Variants in HBS1L observed in about 807,000 individuals in gnomAD.
The protein encoded by HBS1L is HBS1-like protein.
A neutral mutation model predicts 88.9 loss-of-function variants in HBS1L; 55 were observed. The observed-to-expected ratio is 0.62, with a 90% confidence interval of 0.50 to 0.77. HBS1L has a LOEUF of 0.77. HBS1L is among the 30% of genes least tolerant of loss of function. The probability of loss-of-function intolerance (pLI) is 0.00; values close to 1 mark genes in which losing one functional copy is unlikely to be tolerated. For missense variants in HBS1L, 741 were observed against 829.3 expected (o/e 0.89, Z 1.31); for synonymous variants, 267 against 288.5 (o/e 0.93, Z 0.76).
In HBS1L at chr6:135,039,755, G is replaced by T. The variant is rs145923368; in HGVS notation, c.248C>A (p.Ser83Ter). Residue 83 changes from serine to a stop codon, truncating the protein, a stop_gained, in exon 4 of 18, where the codon TCA becomes TAA. Coordinates refer to ENST00000367837, the MANE Select transcript of HBS1L (RefSeq NM_006620.4). LOFTEE classifies it high-confidence loss of function. ...TACCTCTCTCATGTGATCAAGGCAT[G>T]AATAAAGACGAGCTAGAAAAGACGA... is the stretch of plus-strand genomic sequence containing the variant. ...LSGFDQARLY[S>*]CLDHMREVLG... 1 of 1,610,232 alleles carries T rather than the reference G, an allele frequency of 6.2e-7. No homozygotes were observed. The highest frequency in any genetic ancestry group is 8.5e-7 in the Non-Finnish European group (1 of 1,178,800).
At chr6:134,979,465 C>T (rs1337621921) in intron 13 of HBS1L, 197 bp from the exon 14 acceptor site, 1 of 503,324 alleles carries the variant, frequency 2.0e-6, no homozygotes, top group Admixed American at 3.3e-5. Flanking sequence ...TAGAATACCA[C>T]CCTAAACATA....
rs575866493 is a variant in HBS1L at position 135,049,819 on chromosome 6, G to A, written c.109+763C>T. Among the ~76,000 whole-genome samples the A allele has an allele frequency of 2.6e-5, 4 of 152,308 alleles. No homozygotes were observed. In the South Asian group the frequency reaches 8.3e-4, roughly 32 times the overall value. On this transcript the variant is annotated intron_variant, in intron 2 of 17. Coordinates refer to ENST00000367837, the MANE Select transcript of HBS1L (RefSeq NM_006620.4). ...ACTCCTGACCTCAGGTGATCCACCT[G>A]CCTCGGCCTCCCAGAGTGCCGGGAT...
intron 4 of HBS1L, among the ~76,000 whole-genome samples, chr6:135,034,004 G>A (rs1207487881): frequency 6.6e-6 from 1 of 152,040 alleles, no homozygotes; most frequent in African/African-American, 2.4e-5. Flanking sequence ...CAACCACTGG[G>A]ATAACTCAAA....
At chr6:135,016,367 A>T (rs754609572) in intron 4 of HBS1L, among the ~76,000 whole-genome samples, 1 of 152,220 alleles carries the variant, frequency 6.6e-6, no homozygotes, top group Non-Finnish European at 1.5e-5. Context: ...CCTAGCAGTT[A>T]GTTCATTTTC....
chr6:135,000,627 G>A (rs1173970979), intron 5 of HBS1L, among the ~76,000 whole-genome samples: 1 of 151,588 alleles, frequency 6.6e-6, no homozygotes, highest in Non-Finnish European at 1.5e-5. Context: ...TCCAAGCAAT[G>A]CATTATGCAC....
chr6:135,050,231 T>C (rs925664410), intron 2 of HBS1L, among the ~76,000 whole-genome samples: 1 of 152,228 alleles, frequency 6.6e-6, no homozygotes. Context: ...AAGTTTCTAA[T>C]ACTCAAAAGA....
intron 4 of HBS1L, chr6:135,036,931 G>T: frequency 6.4e-7 from 1 of 1,551,568 alleles, no homozygotes. Flanking sequence ...AGCAATGGAT[G>T]GGTCTACTAC....
At chr6:134,971,135 C>T (rs1774472436) in intron 15 of HBS1L, among the ~76,000 whole-genome samples, 1 of 148,932 alleles carries the variant, frequency 6.7e-6, no homozygotes, top group African/African-American at 2.5e-5. Context: ...GCTGGGCCTG[C>T]ATTACTCCAA....
rs995160412 is a variant in HBS1L, at chr6:134,962,616, T to G, written c.*2663A>C. 2 of 152,246 alleles carry G rather than the reference T, an allele frequency of 1.3e-5. No individual in the cohort carries two copies. The highest frequency in any genetic ancestry group is 4.8e-5 in the African/African-American group (2 of 41,470). 9.4% of individuals were successfully genotyped at this position (152,246 alleles called of 1,614,324 possible). On this transcript the variant is annotated 3_prime_UTR_variant, in exon 18 of 18. Transcript: ENST00000367837. ...ATACTAACAAGTCAAAACATAGTTCTGTAATGTGTTCAAGCCACATTATCC... is the reference window on the plus strand; with the variant it reads ...ATACTAACAAGTCAAAACATAGTTCGGTAATGTGTTCAAGCCACATTATCC...
chr6:135,019,196 C>T (rs529258133), intron 4 of HBS1L, among the ~76,000 whole-genome samples: 1 of 151,992 alleles, frequency 6.6e-6, no homozygotes, highest in Non-Finnish European at 1.5e-5. Flanking sequence ...GGCCACACAG[C>T]TAGTAGTTGG....
chr6:134,991,232 T>C (rs1461187079), intron 8 of HBS1L, among the ~76,000 whole-genome samples: 1 of 152,178 alleles, frequency 6.6e-6, no homozygotes, highest in Non-Finnish European at 1.5e-5. Flanking sequence ...AAGTCCCTTA[T>C]ACAAAACAGG....
chr6:135,037,175 T>A, intron 4 of HBS1L: 1 of 1,551,756 alleles, frequency 6.4e-7, no homozygotes, highest in South Asian at 1.2e-5. Flanking sequence ...AATTCTGATA[T>A]TCCGGGTGAA....
chr6:134,977,223 A>T (rs1433147519), intron 15 of HBS1L, among the ~76,000 whole-genome samples: 1 of 152,038 alleles, frequency 6.6e-6, no homozygotes, highest in Non-Finnish European at 1.5e-5. Flanking sequence ...CTTGCAATTC[A>T]TGCTTATTTT....
chr6:135,045,835 T>C (rs571026151), intron 2 of HBS1L, among the ~76,000 whole-genome samples: 2 of 117,052 alleles, frequency 1.7e-5, no homozygotes, highest in African/African-American at 5.7e-5. Flanking sequence ...TGAGACTCCG[T>C]CTCAAAAAAA....
intron 3 of HBS1L, among the ~76,000 whole-genome samples, chr6:135,041,546 C>T (rs182190589): frequency 8.0e-4 from 122 of 152,236 alleles, no homozygotes; most frequent in Admixed American, 3.5e-3. Context: ...ACTTAATTCA[C>T]ACAGATGTAA....
At chr6:135,029,362 CAT>C (rs1346982745) in intron 4 of HBS1L, among the ~76,000 whole-genome samples, 1 of 151,220 alleles carries the variant, frequency 6.6e-6, no homozygotes, top group Non-Finnish European at 1.5e-5. Flanking sequence ...TGGATCCACA[CAT>C]ATACATACAC....
chr6:134,997,765 A>G, intron 5 of HBS1L, 109 bp from the exon 6 acceptor site: 4 of 1,026,458 alleles, frequency 3.9e-6, no homozygotes, highest in Non-Finnish European at 5.9e-6. Context: ...GCTCCAGACC[A>G]GAAATAATCT....
At chr6:134,965,479 C>T (rs1774286285) in intron 17 of HBS1L, among the ~76,000 whole-genome samples, 189 bp from the exon 18 acceptor site, 1 of 152,190 alleles carries the variant, frequency 6.6e-6, no homozygotes, top group African/African-American at 2.4e-5. Flanking sequence ...TTATTCTCCA[C>T]AAATGACTCT....
At chr6:135,048,108 C>T (rs1292493418) in intron 2 of HBS1L, among the ~76,000 whole-genome samples, 2 of 152,104 alleles carry the variant, frequency 1.3e-5, no homozygotes, top group East Asian at 1.9e-4. Flanking sequence ...CTTTGATACC[C>T]GGCTCCCTTT....
Sources: allele counts gnomAD v4.1 joint callset (sites outside exome capture counted in the v4.1 genomes callset), GRCh38; gene constraint gnomAD v4.1.1; transcripts MANE v1.5; gene names NCBI Gene and HGNC (gene_info 2026-07-23, HGNC 2026-07-21).